MALRD1: variants seen among roughly 807,000 people sequenced by gnomAD.
The protein encoded by MALRD1 is MAM and LDL-receptor class A domain-containing protein 1.
A neutral mutation model predicts 242.1 loss-of-function variants in MALRD1; 247 were observed. That is an observed-to-expected ratio of 1.02 (90% CI 0.92 to 1.13). The LOEUF is 1.13. Among genes scored for constraint, MALRD1 ranks in the 50% most tolerant of loss-of-function variants. The pLI is 0.00. For synonymous variants in MALRD1, 995 were observed against 866.6 expected, an observed-to-expected ratio of 1.15 and a Z score of -2.60; for missense variants, 2,989 against 2,533.1, an observed-to-expected ratio of 1.18 and a Z score of -3.86.
rs1255937538 is a variant in MALRD1 at position 19,257,674 on chromosome 10, A to G, written c.2992-10A>G. 1 of 1,508,296 alleles carries G rather than the reference A, an allele frequency of 6.6e-7. No homozygotes were observed. The highest frequency in any genetic ancestry group is 8.9e-7 in the Non-Finnish European group (1 of 1,118,340). The allele number at this position is 1,508,296 out of a possible 1,614,324, so 93.4% of individuals were successfully genotyped here. A position where few individuals can be genotyped will look rare whatever the true frequency, so the allele number is the denominator to read the frequency against. On this transcript the variant is annotated splice_polypyrimidine_tract_variant and intron_variant, in intron 18 of 39. Coordinates refer to ENST00000454679, the MANE Select transcript of MALRD1 (RefSeq NM_001142308.3). Reference sequence around the variant, plus strand: ...ATTTCTTATTTTTATTTTTTATTTTATTTTTTTAGATATTGGTGGAGGCTT... The same window carrying G: ...ATTTCTTATTTTTATTTTTTATTTTGTTTTTTTAGATATTGGTGGAGGCTT...
chr10:19,547,435 G>T (rs7905542), intron 32 of MALRD1, among the ~76,000 whole-genome samples: 1 of 152,020 alleles, frequency 6.6e-6, no homozygotes, highest in East Asian at 1.9e-4. Context: ...CTCTGCTTCT[G>T]ATCCTTCTTA....
intron 9 of MALRD1, among the ~76,000 whole-genome samples, chr10:19,134,519 A>G (rs1833250818): frequency 6.6e-6 from 1 of 151,574 alleles, no homozygotes; most frequent in Non-Finnish European, 1.5e-5. Context: ...TTTTGCACCA[A>G]CATGATATAT....
intron 18 of MALRD1, among the ~76,000 whole-genome samples, chr10:19,223,555 C>T (rs559099690): frequency 2.8e-4 from 42 of 152,102 alleles, no homozygotes; most frequent in African/African-American, 9.9e-4. Context: ...TATATATACG[C>T]ACATACATAC....
At chr10:19,318,963 G>A (rs1046883196) in intron 21 of MALRD1, among the ~76,000 whole-genome samples, 11 of 85,356 alleles carry the variant, frequency 1.3e-4, no homozygotes, top group East Asian at 3.0e-4. Context: ...ATATAATAAC[G>A]TACACAGACA....
intron 26 of MALRD1, among the ~76,000 whole-genome samples, chr10:19,377,244 G>C (rs1845647472): frequency 6.6e-6 from 1 of 152,028 alleles, no homozygotes; most frequent in Admixed American, 6.6e-5. Context: ...TGAAAAGATG[G>C]GTTGTTATTT....
At chr10:19,398,549 A>T (rs1846688861) in intron 28 of MALRD1, among the ~76,000 whole-genome samples, 1 of 152,144 alleles carries the variant, frequency 6.6e-6, no homozygotes, top group African/African-American at 2.4e-5. Flanking sequence ...AGGTACTACT[A>T]ATACCTGTGA....
In MALRD1 at chr10:19,498,552, C is replaced by T. The variant is rs1426282668; in HGVS notation, c.5226C>T (p.Cys1742=). The change falls in exon 31 of 40, where the codon TGC becomes TGT. Residue 1742 remains cysteine (C), a synonymous_variant. Coordinates refer to ENST00000454679, the MANE Select transcript of MALRD1 (RefSeq NM_001142308.3). ...GTTCAGGAAACTGGACCACAGCCTG[C>T]AGTCTTACTCAAGACTCTGAGGATG... is the stretch of plus-strand genomic sequence containing the variant. ...ETSSGNWTTA[C]SLTQDSEDDL... 6.5e-7 allele frequency: 1 copy of T among 1,550,216 alleles called. No individual in the cohort carries two copies. The highest frequency in any genetic ancestry group is 8.7e-7 in the Non-Finnish European group (1 of 1,146,798).
At chr10:19,351,281 T>G (rs1844365219) in intron 25 of MALRD1, among the ~76,000 whole-genome samples, 1 of 152,186 alleles carries the variant, frequency 6.6e-6, no homozygotes, top group Non-Finnish European at 1.5e-5. Context: ...TGTCCTGTTC[T>G]TTTCCCAGAA....
intron 28 of MALRD1, among the ~76,000 whole-genome samples, chr10:19,417,535 T>G (rs1222047757): frequency 6.6e-6 from 1 of 152,188 alleles, no homozygotes; most frequent in East Asian, 1.9e-4. Flanking sequence ...ACAAACCCTG[T>G]GAAATAAATT....
At chr10:19,483,864 T>G (rs1837126741) in intron 29 of MALRD1, among the ~76,000 whole-genome samples, 1 of 152,082 alleles carries the variant, frequency 6.6e-6, no homozygotes, top group African/African-American at 2.4e-5. Context: ...AGCAAGGACA[T>G]GGAATCAACC....
At position 19,530,461 on chromosome 10, in the gene MALRD1, TA is replaced by T. The variant is rs1564417645; in HGVS notation, c.5321-731del. ...ATAATATATAATATATAATATATAA[TA>T]ATAAATAATTATATAATATTTATAT... On this transcript the variant is annotated intron_variant, in intron 31 of 39. Coordinates refer to ENST00000454679, the MANE Select transcript of MALRD1 (RefSeq NM_001142308.3). 2.3e-3 allele frequency among the ~76,000 whole-genome samples: 98 copies of T among 43,540 alleles called. 4 individuals are homozygous for T. Among genetic ancestry groups the T allele is most frequent in the African/African-American group, 2.7e-3 (72 of 26,474 alleles). 28.6% of individuals were successfully genotyped at this position (43,540 alleles called of 152,430 possible).
chr10:19,088,532 CTTTCTT>C (rs1260690943), intron 4 of MALRD1, among the ~76,000 whole-genome samples: 3 of 75,972 alleles, frequency 3.9e-5, no homozygotes, highest in Admixed American at 1.3e-4. Flanking sequence ...CTTCCTCTTT[CTTTCTT>C]TTTTTTTTTT....
intron 12 of MALRD1, among the ~76,000 whole-genome samples, chr10:19,156,069 A>C (rs749841835): frequency 6.6e-6 from 1 of 152,146 alleles, no homozygotes; most frequent in Admixed American, 6.5e-5. Context: ...TACTTATCAG[A>C]AAATAATGAA....
chr10:19,112,299 A>G (rs902949638), intron 5 of MALRD1, among the ~76,000 whole-genome samples: 2 of 152,032 alleles, frequency 1.3e-5, no homozygotes, highest in Non-Finnish European at 2.9e-5. Flanking sequence ...AGTCTCATGC[A>G]ATCCTGGTGG....
chr10:19,387,471 C>T (rs1846133051), intron 26 of MALRD1, 57 bp from the exon 27 acceptor site: 1 of 1,497,778 alleles, frequency 6.7e-7, no homozygotes, highest in East Asian at 2.5e-5. Flanking sequence ...GCTTTTTGAC[C>T]TCACTGAATG....
At chr10:19,655,527 A>AGT (rs1219961277) in intron 36 of MALRD1, among the ~76,000 whole-genome samples, 13 of 81,254 alleles carry the variant, frequency 1.6e-4, no homozygotes, top group Non-Finnish European at 3.0e-4. Context: ...TATATGTGTG[A>AGT]GTGTATATAT....
intron 5 of MALRD1, among the ~76,000 whole-genome samples, chr10:19,116,886 C>G (rs749129734): frequency 6.6e-6 from 1 of 152,004 alleles, no homozygotes; most frequent in Non-Finnish European, 1.5e-5. Context: ...GTCAGGAGTT[C>G]GAGACCAGCC....
rs1273005417 is a variant in MALRD1, at chr10:19,088,007, C to T, written c.436-17C>T. On this transcript the variant is annotated splice_polypyrimidine_tract_variant and intron_variant, in intron 3 of 39. Transcript: ENST00000454679. ...CTTCTTTATCATAATTGTTTGGGTA[C>T]TAATTGTCTTTCACAGATTACATTT... The T allele has an allele frequency of 8.1e-7, 1 of 1,233,160 alleles. No homozygotes were observed. The highest frequency in any genetic ancestry group is 1.6e-5 in the African/African-American group (1 of 64,400). The allele number at this position is 1,233,160 out of a possible 1,614,324, so 76.4% of individuals were successfully genotyped here. A position where few individuals can be genotyped will look rare whatever the true frequency, so the allele number is the denominator to read the frequency against.
intron 12 of MALRD1, among the ~76,000 whole-genome samples, chr10:19,161,068 G>A (rs1228019580): frequency 6.8e-6 from 1 of 147,506 alleles, no homozygotes; most frequent in African/African-American, 2.5e-5. Context: ...GTTTATTGCG[G>A]CACTATTCAC....
Sources: gnomAD v4.1 joint callset for allele counts (sites outside exome capture counted in the v4.1 genomes callset) on GRCh38, gnomAD v4.1.1 for gene constraint, MANE v1.5 for transcripts, NCBI Gene and HGNC (gene_info 2026-07-23, HGNC 2026-07-21) for gene names.